Variants in KCNT2 observed in about 807,000 individuals in gnomAD.
KCNT2 encodes potassium sodium-activated channel subfamily T member 2.
Under a neutral mutation model 153.8 loss-of-function variants are expected in KCNT2, and 67 were observed. The observed-to-expected ratio is 0.44, with a 90% CI of 0.36 to 0.53. The LOEUF is 0.53. Ranked by LOEUF, KCNT2 falls within the 20% of genes least tolerant of loss-of-function variation. The pLI is 0.00. For missense variants in KCNT2, 975 were observed against 1,354.8 expected (o/e 0.72, Z 4.40); for synonymous variants, 500 against 458.8 (o/e 1.09, Z -1.15).
chr1:196,284,248 A>AAAAAAAAAATATATAT, intron 23 of KCNT2, among the ~76,000 whole-genome samples: 1 of 10,050 alleles, frequency 1.0e-4, no homozygotes, highest in African/African-American at 1.4e-4. Flanking sequence ...AAAAAAAAAA[A>AAAAAAAAAATATATAT]ATATATATAT....
intron 14 of KCNT2, among the ~76,000 whole-genome samples, chr1:196,363,747 G>A (rs945020598): frequency 1.3e-5 from 2 of 152,076 alleles, no homozygotes; most frequent in African/African-American, 4.8e-5. Context: ...GACTCCCCAA[G>A]AAAATAAATC....
At chr1:196,252,164 T>A (rs1279424095) in intron 26 of KCNT2, among the ~76,000 whole-genome samples, 1 of 151,858 alleles carries the variant, frequency 6.6e-6, no homozygotes, top group Admixed American at 6.6e-5. Context: ...CTTCTTTTAA[T>A]CATTCCATTT....
At chr1:196,378,179 G>C (rs1375009239) in intron 13 of KCNT2, among the ~76,000 whole-genome samples, 4 of 152,096 alleles carry the variant, frequency 2.6e-5, no homozygotes, top group Non-Finnish European at 5.9e-5. Context: ...TTGCTTTGGA[G>C]GTTTCTCAAT....
At chr1:196,480,855 CAAAAAAAAA>C (rs372270510) in intron 4 of KCNT2, among the ~76,000 whole-genome samples, 2 of 26,896 alleles carry the variant, frequency 7.4e-5, no homozygotes, top group African/African-American at 1.3e-4. Context: ...GACTTCGTCT[CAAAAAAAAA>C]AAAAAAAAAA....
chr1:196,253,122 T>C (rs1376003026), intron 26 of KCNT2, among the ~76,000 whole-genome samples: 2 of 151,402 alleles, frequency 1.3e-5, no homozygotes, highest in African/African-American at 4.8e-5. Context: ...CTGAAAAAAT[T>C]TTGGCCATTG....
chr1:196,551,298 T>C (rs1162851601), intron 1 of KCNT2, among the ~76,000 whole-genome samples: 2 of 151,842 alleles, frequency 1.3e-5, no homozygotes, highest in African/African-American at 4.8e-5. Context: ...AGAACAAACA[T>C]AAATTTTATA....
Position 196,461,421 on chromosome 1 carries a change from T to C in KCNT2, c.638+3872A>G, listed in dbSNP as rs111778287. On this transcript the variant is annotated intron_variant, in intron 8 of 27. Coordinates refer to ENST00000294725, the MANE Select transcript of KCNT2 (RefSeq NM_198503.5). ...AACTAAAACAGGAAATCAGTTAACATAATATAGTTTCTTATGTTAGAAACC... is the reference window on the plus strand; with the variant it reads ...AACTAAAACAGGAAATCAGTTAACACAATATAGTTTCTTATGTTAGAAACC... 6.4e-3 allele frequency among the ~76,000 whole-genome samples: 979 copies of C among 151,798 alleles called. 9 individuals carry two copies. Among genetic ancestry groups the C allele is most frequent in the African/African-American group, 0.023 (936 of 41,508 alleles).
In KCNT2 at chr1:196,482,767, T is replaced by C. The variant is rs146705356; in HGVS notation, c.276-388A>G. ...TATATGTCCTGTATAAATACAACAGTATAAATAACCAGAAAAAAATCAGTA... is the reference window on the plus strand; with the variant it reads ...TATATGTCCTGTATAAATACAACAGCATAAATAACCAGAAAAAAATCAGTA... On this transcript the variant is annotated intron_variant, in intron 3 of 27. Transcript: ENST00000294725. Among the ~76,000 whole-genome samples, 463 of 152,116 alleles carry C rather than the reference T, an allele frequency of 3.0e-3. 4 individuals are homozygous for C. The highest frequency in any genetic ancestry group is 0.011 in the South Asian group (51 of 4,824).
chr1:196,345,797 T>A (rs1200317506), intron 14 of KCNT2, among the ~76,000 whole-genome samples: 1 of 152,110 alleles, frequency 6.6e-6, no homozygotes, highest in Non-Finnish European at 1.5e-5. Context: ...ATCTTAAATA[T>A]TCTTAGTCAC....
At chr1:196,547,893 G>GA (rs1356180977) in intron 1 of KCNT2, among the ~76,000 whole-genome samples, 4 of 151,684 alleles carry the variant, frequency 2.6e-5, no homozygotes, top group African/African-American at 7.2e-5. Flanking sequence ...GTAACATCCA[G>GA]AAAAAAACTA....
At chr1:196,281,277 G>A (rs2147869503) in intron 24 of KCNT2, among the ~76,000 whole-genome samples, 1 of 152,256 alleles carries the variant, frequency 6.6e-6, no homozygotes, top group African/African-American at 2.4e-5. Context: ...CCAAACTTAA[G>A]AAATCCGAGT....
intron 1 of KCNT2, among the ~76,000 whole-genome samples, chr1:196,576,491 C>T (rs1572876358): frequency 6.6e-6 from 1 of 152,006 alleles, no homozygotes; most frequent in Non-Finnish European, 1.5e-5. Flanking sequence ...AGATACTGTC[C>T]TACATAAATT....
chr1:196,408,458 A>G (rs1672016217), intron 12 of KCNT2, among the ~76,000 whole-genome samples: 1 of 151,620 alleles, frequency 6.6e-6, no homozygotes, highest in Non-Finnish European at 1.5e-5. Flanking sequence ...GCACTCATGT[A>G]CAGAAAACAC....
At chr1:196,345,726 C>A (rs1407595977) in intron 14 of KCNT2, among the ~76,000 whole-genome samples, 1 of 152,150 alleles carries the variant, frequency 6.6e-6, no homozygotes, top group Non-Finnish European at 1.5e-5. Flanking sequence ...ATGTTAGATT[C>A]TGGGTATGTT....
intron 26 of KCNT2, among the ~76,000 whole-genome samples, chr1:196,250,257 TG>T (rs1357620621): frequency 5.3e-5 from 8 of 152,060 alleles, no homozygotes; most frequent in African/African-American, 1.7e-4. Flanking sequence ...GCATGAAACA[TG>T]GTACTGGCAT....
chr1:196,474,771 A>T (rs1441790689), intron 5 of KCNT2, among the ~76,000 whole-genome samples: 1 of 152,190 alleles, frequency 6.6e-6, no homozygotes. Context: ...GGTATTTATG[A>T]TGACAAAAGA....
chr1:196,467,242 A>G (rs1034441697), intron 7 of KCNT2, among the ~76,000 whole-genome samples: 1 of 152,104 alleles, frequency 6.6e-6, no homozygotes, highest in African/African-American at 2.4e-5. Context: ...CCAAAAACCA[A>G]TAAGGTTTTT....
At chr1:196,341,892 C>A (rs1030599201) in intron 15 of KCNT2, among the ~76,000 whole-genome samples, 187 bp downstream of exon 15, 5 of 152,050 alleles carry the variant, frequency 3.3e-5, no homozygotes, top group Non-Finnish European at 5.9e-5. Context: ...ATAATTTACT[C>A]CTGACTGTCT....
chr1:196,467,519 A>C (rs531910052), intron 7 of KCNT2, among the ~76,000 whole-genome samples, 184 bp downstream of exon 7: 1 of 152,136 alleles, frequency 6.6e-6, no homozygotes, highest in Admixed American at 6.6e-5. Context: ...TTAAAAATGA[A>C]ACATTTGGAA....
Sources: allele counts gnomAD v4.1 joint callset (sites outside exome capture counted in the v4.1 genomes callset), GRCh38; gene constraint gnomAD v4.1.1; transcripts MANE v1.5; gene names NCBI Gene and HGNC (gene_info 2026-07-23, HGNC 2026-07-21).